The following PTGR1 variants were observed in gnomAD, a reference collection of about 807,000 sequenced individuals.
PTGR1 encodes the protein 15-oxoprostaglandin 13-reductase.
In PTGR1, 23 loss-of-function variants were observed where a neutral mutation model predicts 37.7. That is an observed-to-expected ratio of 0.61 (90% CI 0.44 to 0.86). The LOEUF is 0.86. Among genes scored for constraint, PTGR1 ranks in the 40% least tolerant of loss-of-function variants. The pLI, the probability that PTGR1 is intolerant of heterozygous loss-of-function variation, is 0.00. For synonymous variants in PTGR1, 134 were observed against 140.0 expected, an observed-to-expected ratio of 0.96 and a Z score of 0.30; for missense variants, 351 against 394.3, an observed-to-expected ratio of 0.89 and a Z score of 0.93.
chr9:111,552,217 C>A (rs545918308), intron 9 of PTGR1, among the ~76,000 whole-genome samples: 1 of 152,186 alleles, frequency 6.6e-6, no homozygotes, highest in South Asian at 2.1e-4. Flanking sequence ...TACAGGAAAT[C>A]CTTATAAAAT....
intron 9 of PTGR1, among the ~76,000 whole-genome samples, chr9:111,555,671 G>A (rs1001256222): frequency 2.0e-5 from 3 of 151,966 alleles, no homozygotes; most frequent in Non-Finnish European, 4.4e-5. Context: ...GCAGGGGAGA[G>A]CAAAAAGGGG....
chr9:111,556,702 T>C (rs999279572), intron 9 of PTGR1, among the ~76,000 whole-genome samples: 1 of 152,204 alleles, frequency 6.6e-6, no homozygotes, highest in African/African-American at 2.4e-5. Context: ...GTTCTCATGA[T>C]AGTGAGTTCT....
At chr9:111,551,253 A>G (rs1197657043) in intron 9 of PTGR1, among the ~76,000 whole-genome samples, 1 of 152,224 alleles carries the variant, frequency 6.6e-6, no homozygotes, top group Non-Finnish European at 1.5e-5. Flanking sequence ...ATCTACACAC[A>G]AAATTTTCAT....
At chr9:111,574,931 C>T (rs1828993543) in intron 7 of PTGR1, 89 bp from the exon 8 acceptor site, 2 of 999,668 alleles carry the variant, frequency 2.0e-6, no homozygotes, top group Admixed American at 4.4e-5. Context: ...TTTTACAATA[C>T]CTGTTTTAGC....
At chr9:111,549,930 G>T in intron 9 of PTGR1, 3 of 601,034 alleles carry the variant, frequency 5.0e-6, no homozygotes, top group Non-Finnish European at 5.8e-6. Flanking sequence ...CCTTTGAATG[G>T]TCAATACTTG....
In PTGR1 at chr9:111,570,149, C is replaced by T. The variant is rs545572614; in HGVS notation, c.821G>A (p.Arg274His). The T allele has an allele frequency of 1.1e-5, 18 of 1,613,952 alleles. No individual in the cohort carries two copies. Among genetic ancestry groups the T allele is most frequent in the South Asian group, 5.5e-5 (5 of 91,080 alleles). Residue 274 changes from arginine to histidine, a missense_variant, in exon 9 of 10, where the codon CGC becomes CAC. Physicochemically the swap from Arg to His is conservative, Grantham distance 29. Coordinates refer to ENST00000407693, the MANE Select transcript of PTGR1 (RefSeq NM_001146108.2). ...ELRMEAFVVY[R>H]WQGDARQKAL... ...TTTTTGGCGGGCATCTCCTTGCCAG[C>T]GGTAGACGACAAAAGCTTCCATGCG...
At chr9:111,559,310 C>T (rs188970415), downstream of PTGR1, among the ~76,000 whole-genome samples, 585 of 152,262 alleles carry the variant, frequency 3.8e-3, 4 homozygotes, top group African/African-American at 0.013. Flanking sequence ...CCCCCAGGCA[C>T]GATGCCCTCC....
At chr9:111,583,625 T>G (rs777080307) in intron 5 of PTGR1, 36 bp from the exon 6 acceptor site, 3 of 1,488,060 alleles carry the variant, frequency 2.0e-6, no homozygotes, top group Non-Finnish European at 9.4e-7. Flanking sequence ...TGAATAGAGT[T>G]GTTTCTTTCC....
chr9:111,586,514 A>C (rs1829432801), intron 4 of PTGR1, among the ~76,000 whole-genome samples: 1 of 151,958 alleles, frequency 6.6e-6, no homozygotes, highest in Admixed American at 6.6e-5. Flanking sequence ...TTAGCCTTCC[A>C]CTTTCCAGAA....
chr9:111,596,946 A>C (rs999692732), intron 2 of PTGR1, among the ~76,000 whole-genome samples: 6 of 151,444 alleles, frequency 4.0e-5, no homozygotes, highest in Non-Finnish European at 5.9e-5. Flanking sequence ...AAAAAAAAAA[A>C]AAGAGAAAGT....
downstream of PTGR1, among the ~76,000 whole-genome samples, chr9:111,559,609 C>T (rs1464571418): frequency 6.6e-6 from 1 of 151,302 alleles, no homozygotes; most frequent in Non-Finnish European, 1.5e-5. Context: ...CACACACACA[C>T]ATATACAACA....
intron 8 of PTGR1, among the ~76,000 whole-genome samples, chr9:111,573,513 G>A (rs1325078033): frequency 2.0e-5 from 3 of 152,132 alleles, no homozygotes; most frequent in Non-Finnish European, 4.4e-5. Flanking sequence ...TTGATTTATG[G>A]TTGCCTGGAT....
intron 9 of PTGR1, among the ~76,000 whole-genome samples, chr9:111,567,307 C>T (rs1828607230): frequency 6.6e-6 from 1 of 152,276 alleles, no homozygotes; most frequent in East Asian, 1.9e-4. Flanking sequence ...CCTGCCTCAG[C>T]CTCCCAAGTA....
downstream of PTGR1, among the ~76,000 whole-genome samples, chr9:111,558,148 G>GA (rs1035170963): frequency 5.3e-5 from 8 of 151,116 alleles, no homozygotes; most frequent in Middle Eastern, 3.4e-3. Context: ...CTCTGTCTCG[G>GA]AAAAAAAAAC....
intron 6 of PTGR1, among the ~76,000 whole-genome samples, chr9:111,582,077 G>A (rs1055280991): frequency 3.3e-5 from 5 of 151,714 alleles, no homozygotes; most frequent in African/African-American, 9.7e-5. Flanking sequence ...AGTAATTAGA[G>A]AAAAAAGAAC....
chr9:111,582,063 T>C (rs961781850), intron 6 of PTGR1, among the ~76,000 whole-genome samples: 3 of 151,900 alleles, frequency 2.0e-5, no homozygotes, highest in African/African-American at 7.3e-5. Context: ...AAACTTAGGT[T>C]CTCAGTAATT....
chr9:111,566,519 A>G (rs1323890435), intron 9 of PTGR1, among the ~76,000 whole-genome samples: 1 of 152,200 alleles, frequency 6.6e-6, no homozygotes, highest in Admixed American at 6.5e-5. Context: ...TCCCCTGTAA[A>G]ACTAAAATAA....
At chr9:111,550,193 G>A (rs1827900008) in intron 9 of PTGR1, among the ~76,000 whole-genome samples, 1 of 152,140 alleles carries the variant, frequency 6.6e-6, no homozygotes, top group Non-Finnish European at 1.5e-5. Context: ...CTGGGCGGGA[G>A]CAATGGCTTT....
intron 1 of PTGR1, among the ~76,000 whole-genome samples, chr9:111,598,125 A>G (rs948261616): frequency 5.9e-5 from 9 of 151,906 alleles, no homozygotes; most frequent in Non-Finnish European, 1.3e-4. Flanking sequence ...ACTTGCACTC[A>G]GCCATCGGGT....
Sources: gnomAD v4.1 joint callset for allele counts (sites outside exome capture counted in the v4.1 genomes callset) on GRCh38, gnomAD v4.1.1 for gene constraint, MANE v1.5 for transcripts, NCBI Gene and HGNC (gene_info 2026-07-23, HGNC 2026-07-21) for gene names.